KIF13B: variants seen among roughly 807,000 people sequenced by gnomAD.
The protein encoded by KIF13B is kinesin-like protein KIF13B.
Under a neutral mutation model 222.0 loss-of-function variants are expected in KIF13B, and 127 were observed. The observed-to-expected ratio is 0.57, with a 90% CI of 0.50 to 0.66. The LOEUF (loss-of-function observed/expected upper bound fraction) is 0.66, where lower values mean the gene tolerates loss of function less well. KIF13B is among the 30% of genes least tolerant of loss of function. The pLI, the probability that KIF13B is intolerant of heterozygous loss-of-function variation, is 0.00. For synonymous variants in KIF13B, 976 were observed against 919.0 expected, an observed-to-expected ratio of 1.06 and a Z score of -1.12; for missense variants, 2,173 against 2,379.0, an observed-to-expected ratio of 0.91 and a Z score of 1.80.
At chr8:29,083,888 G>C (rs1479805801) in intron 37 of KIF13B, among the ~76,000 whole-genome samples, 2 of 152,074 alleles carry the variant, frequency 1.3e-5, no homozygotes, top group Non-Finnish European at 2.9e-5. Context: ...GAAAAATGAA[G>C]GCTGGGAACA....
chr8:29,175,789 C>T (rs1321446896), intron 10 of KIF13B, among the ~76,000 whole-genome samples: 1 of 152,182 alleles, frequency 6.6e-6, no homozygotes, highest in Non-Finnish European at 1.5e-5. Flanking sequence ...AGCAGGAGGC[C>T]CTTTCTCTAC....
chr8:29,182,919 T>C (rs1010735798), intron 6 of KIF13B, among the ~76,000 whole-genome samples: 2 of 152,038 alleles, frequency 1.3e-5, no homozygotes, highest in Non-Finnish European at 2.9e-5. Flanking sequence ...AGGTGATGGA[T>C]ATGTTAATTA....
intron 32 of KIF13B, 38 bp downstream of exon 32, chr8:29,113,425 T>C (rs892978063): frequency 3.9e-6 from 5 of 1,266,954 alleles, no homozygotes; most frequent in Non-Finnish European, 5.6e-6. Flanking sequence ...TCTTTTTAAG[T>C]GTTTATTTTT....
At chr8:29,117,639 G>A (rs906179468) in intron 30 of KIF13B, among the ~76,000 whole-genome samples, 34 of 152,064 alleles carry the variant, frequency 2.2e-4, no homozygotes, top group African/African-American at 7.7e-4. Flanking sequence ...TGGGTGTGTC[G>A]GACTGACTCC....
chr8:29,199,336 T>C (rs966234969), intron 2 of KIF13B, among the ~76,000 whole-genome samples: 2 of 152,024 alleles, frequency 1.3e-5, no homozygotes, highest in Non-Finnish European at 2.9e-5. Context: ...CAAGATACTA[T>C]TAGGATTCCA....
At chr8:29,147,134 T>C (rs1811092122) in intron 17 of KIF13B, among the ~76,000 whole-genome samples, 2 of 152,326 alleles carry the variant, frequency 1.3e-5, no homozygotes, top group African/African-American at 4.8e-5. Context: ...TCAAGTGTAC[T>C]TCTATATCCA....
chr8:29,079,313 G>A lies in KIF13B; in HGVS notation c.4459-3970C>T, dbSNP rs539529180. On this transcript the variant is annotated intron_variant, in intron 37 of 39. Coordinates refer to ENST00000524189, the MANE Select transcript of KIF13B (RefSeq NM_015254.4). Reference sequence around the variant, plus strand: ...TCGAATTCTCCTGCAACTGCAGGGAGCAGCGCCCACCGGCTTCGCTGTGTC... The same window carrying A: ...TCGAATTCTCCTGCAACTGCAGGGAACAGCGCCCACCGGCTTCGCTGTGTC... Among the ~76,000 whole-genome samples the A allele has an allele frequency of 4.6e-5, 7 of 152,264 alleles. No homozygotes were observed. The South Asian group carries it at 1.2e-3, about 27-fold the overall frequency.
chr8:29,119,136 G>GAC lies in KIF13B; in HGVS notation c.3536-146_3536-145dup. The GAC allele has an allele frequency of 3.6e-6, 3 of 827,042 alleles. No homozygotes were observed. The South Asian group carries it at 5.3e-5, about 15-fold the overall frequency. The allele number at this position is 827,042 out of a possible 1,614,324, so 51.2% of individuals were successfully genotyped here. A position where few individuals can be genotyped will look rare whatever the true frequency, so the allele number is the denominator to read the frequency against. Reference sequence around the variant, plus strand: ...TGAAATCTTACATGACACTGAAGATGACCACTTAAAAGTTCACAGATCTTC... The same window carrying GAC: ...TGAAATCTTACATGACACTGAAGATGACACCACTTAAAAGTTCACAGATCTTC... On this transcript the variant is annotated intron_variant, in intron 29 of 39. Coordinates refer to ENST00000524189, the MANE Select transcript of KIF13B (RefSeq NM_015254.4).
chr8:29,179,013 T>C (rs1812599854), intron 8 of KIF13B, among the ~76,000 whole-genome samples: 1 of 152,244 alleles, frequency 6.6e-6, no homozygotes, highest in Non-Finnish European at 1.5e-5. Flanking sequence ...ACTCAAAAAG[T>C]TATTCCACAA....
intron 2 of KIF13B, among the ~76,000 whole-genome samples, chr8:29,212,667 G>T (rs538928904): frequency 6.6e-6 from 1 of 151,960 alleles, no homozygotes; most frequent in African/African-American, 2.4e-5. Flanking sequence ...TAGTCTTTGT[G>T]TAGACATTCG....
At chr8:29,248,845 A>C (rs1816156006) in intron 1 of KIF13B, among the ~76,000 whole-genome samples, 3 of 152,236 alleles carry the variant, frequency 2.0e-5, no homozygotes, top group African/African-American at 7.2e-5. Flanking sequence ...AAATTTGTAG[A>C]GACAAAATAA....
At chr8:29,177,888 G>A (rs945410757) in intron 8 of KIF13B, among the ~76,000 whole-genome samples, 2 of 152,172 alleles carry the variant, frequency 1.3e-5, no homozygotes, top group East Asian at 1.9e-4. Flanking sequence ...CAACCTGAGC[G>A]ACACAGTGAG....
At chr8:29,234,892 T>C (rs568491093) in intron 2 of KIF13B, among the ~76,000 whole-genome samples, 2 of 152,214 alleles carry the variant, frequency 1.3e-5, no homozygotes, top group African/African-American at 4.8e-5. Context: ...AACCCAGTGT[T>C]GCCAGATTCA....
chr8:29,130,738 CAT>C (rs1220697163), intron 23 of KIF13B, 73 bp from the exon 24 acceptor site: 1 of 1,381,310 alleles, frequency 7.2e-7, no homozygotes, highest in African/African-American at 1.4e-5. Flanking sequence ...GTCCTACACA[CAT>C]AAGAATTAAC....
Position 29,188,684 on chromosome 8 carries a change from A to T in KIF13B, c.224-77T>A. Reference sequence around the variant, plus strand: ...AACAATTCACAAAACAAAAACAAAAATCTCAAAAATGTATAATCTGCTTAT... The same window carrying T: ...AACAATTCACAAAACAAAAACAAAATTCTCAAAAATGTATAATCTGCTTAT... On this transcript the variant is annotated intron_variant, in intron 4 of 39. Coordinates refer to ENST00000524189, the MANE Select transcript of KIF13B (RefSeq NM_015254.4). The T allele has an allele frequency of 3.4e-6, 3 of 883,990 alleles. No individual in the cohort carries two copies. In the South Asian group the frequency reaches 4.8e-5, roughly 14 times the overall value. 54.8% of individuals were successfully genotyped at this position (883,990 alleles called of 1,614,324 possible).
chr8:29,163,643 G>A (rs1167437786), intron 12 of KIF13B, among the ~76,000 whole-genome samples: 4 of 152,178 alleles, frequency 2.6e-5, no homozygotes, highest in Non-Finnish European at 5.9e-5. Flanking sequence ...CAAGAGACCA[G>A]GTTTCTTCAA....
chr8:29,200,490 G>A (rs1813645123), intron 2 of KIF13B, among the ~76,000 whole-genome samples: 1 of 152,034 alleles, frequency 6.6e-6, no homozygotes, highest in Non-Finnish European at 1.5e-5. Flanking sequence ...ATACTTTCAG[G>A]CTTACAAAAA....
At chr8:29,228,472 A>AAAAAAAAAAAAAAATATATATATATATAT in intron 2 of KIF13B, among the ~76,000 whole-genome samples, 1 of 117,086 alleles carries the variant, frequency 8.5e-6, no homozygotes, top group South Asian at 2.9e-4. Context: ...ATCTTAAAAA[A>AAAAAAAAAAAAAAATATATATATATATAT]ATATATATAT....
At chr8:29,249,433 A>T (rs867090120) in intron 1 of KIF13B, among the ~76,000 whole-genome samples, 28,002 of 142,976 alleles carry the variant, frequency 0.2, 3,732 homozygotes, top group East Asian at 0.56. Flanking sequence ...CCGTCTTTAA[A>T]AAAAAAAAAA....
Sources: allele counts gnomAD v4.1 joint callset (sites outside exome capture counted in the v4.1 genomes callset), GRCh38; gene constraint gnomAD v4.1.1; transcripts MANE v1.5; gene names NCBI Gene and HGNC (gene_info 2026-07-23, HGNC 2026-07-21).